COP1: variants seen among roughly 807,000 people sequenced by gnomAD.
COP1 encodes the protein COP1 E3 ubiquitin ligase, also known as E3 ubiquitin-protein ligase COP1.
A neutral mutation model predicts 101.3 loss-of-function variants in COP1; 24 were observed. The ratio of observed to expected loss-of-function variants is 0.24; its 90% confidence interval spans 0.17 to 0.33. The LOEUF (loss-of-function observed/expected upper bound fraction) is 0.33, where lower values mean the gene tolerates loss of function less well. Ranked by LOEUF, COP1 falls within the 10% of genes least tolerant of loss-of-function variation. COP1 has a pLI of 1.00. For missense variants in COP1, 663 were observed against 906.2 expected, an observed-to-expected ratio of 0.73 and a Z score of 3.45; for synonymous variants, 347 against 341.9, an observed-to-expected ratio of 1.01 and a Z score of -0.17.
intron 11 of COP1, among the ~76,000 whole-genome samples, chr1:176,050,800 A>G (rs1672411145): frequency 6.6e-6 from 1 of 152,224 alleles, no homozygotes; most frequent in African/African-American, 2.4e-5. Context: ...CACTGTATAA[A>G]GAAACTGAGG....
At chr1:176,049,747 TG>T (rs1353797628) in intron 11 of COP1, among the ~76,000 whole-genome samples, 1 of 152,142 alleles carries the variant, frequency 6.6e-6, no homozygotes, top group Non-Finnish European at 1.5e-5. Flanking sequence ...CTAACTGAAA[TG>T]AACACTGTAA....
intron 11 of COP1, among the ~76,000 whole-genome samples, chr1:176,071,794 C>T (rs527869151): frequency 2.6e-4 from 39 of 152,244 alleles, no homozygotes; most frequent in African/African-American, 8.7e-4. Context: ...TGGTTTGTGA[C>T]AAACCTTCAC....
At chr1:176,198,489 C>A (rs956834147) in intron 1 of COP1, among the ~76,000 whole-genome samples, 1 of 152,050 alleles carries the variant, frequency 6.6e-6, no homozygotes, top group Non-Finnish European at 1.5e-5. Context: ...CATAAGAAAA[C>A]TATAAATCTT....
chr1:176,059,791 C>A (rs1359282305), intron 11 of COP1, among the ~76,000 whole-genome samples: 1 of 152,094 alleles, frequency 6.6e-6, no homozygotes, highest in African/African-American at 2.4e-5. Context: ...AATTTTATGT[C>A]AGAACAGCGT....
chr1:176,028,932 T>C (rs906116675), intron 14 of COP1, among the ~76,000 whole-genome samples: 5 of 151,178 alleles, frequency 3.3e-5, no homozygotes, highest in African/African-American at 1.2e-4. Context: ...TTCTATTTTT[T>C]TTGTAAAGAC....
chr1:176,048,856 G>A (rs1185056348), intron 11 of COP1, among the ~76,000 whole-genome samples: 4 of 152,180 alleles, frequency 2.6e-5, no homozygotes, highest in Admixed American at 2.0e-4. Context: ...GGAGAAAACT[G>A]ACACATAAGT....
At position 176,150,602 on chromosome 1, in the gene COP1, C is replaced by A. The variant is rs139807398; in HGVS notation, c.763-1528G>T. 2.6e-3 allele frequency among the ~76,000 whole-genome samples: 400 copies of A among 152,208 alleles called. 3 individuals are homozygous for A. The highest frequency in any genetic ancestry group is 9.2e-3 in the African/African-American group (382 of 41,530). On this transcript the variant is annotated intron_variant, in intron 5 of 19. Coordinates refer to ENST00000367669, the MANE Select transcript of COP1 (RefSeq NM_022457.7). The stretch of plus-strand genomic sequence containing the variant: ...GATTATTTGTCTAGAGGACAAAGAC[C>A]ACATGTTTATTTAAAAAGTAACAAC...
At chr1:176,150,677 A>C (rs564479656) in intron 5 of COP1, among the ~76,000 whole-genome samples, 1 of 152,362 alleles carries the variant, frequency 6.6e-6, no homozygotes, top group South Asian at 2.1e-4. Context: ...TCATTTACAA[A>C]GGAATTATAC....
At chr1:176,048,684 T>C (rs1478286910) in intron 11 of COP1, among the ~76,000 whole-genome samples, 1 of 152,232 alleles carries the variant, frequency 6.6e-6, no homozygotes, top group Admixed American at 6.5e-5. Context: ...AGTGAACTAG[T>C]TATCACTAAA....
At chr1:176,071,443 C>T (rs906009659) in intron 11 of COP1, among the ~76,000 whole-genome samples, 3 of 152,126 alleles carry the variant, frequency 2.0e-5, no homozygotes, top group South Asian at 4.1e-4. Flanking sequence ...CTAGTATACT[C>T]GCTTAACCGT....
At chr1:176,137,508 T>C (rs751381502) in intron 6 of COP1, among the ~76,000 whole-genome samples, 2 of 152,158 alleles carry the variant, frequency 1.3e-5, no homozygotes, top group African/African-American at 2.4e-5. Flanking sequence ...CCTGGAAATA[T>C]TGAACACATT....
chr1:176,028,573 T>A (rs1668089361), intron 14 of COP1, among the ~76,000 whole-genome samples: 1 of 145,774 alleles, frequency 6.9e-6, no homozygotes, highest in Non-Finnish European at 1.5e-5. Flanking sequence ...GAAAAATCAA[T>A]AAAAAGGAAA....
chr1:176,157,761 T>G (rs1325732027), intron 5 of COP1, among the ~76,000 whole-genome samples: 1 of 151,928 alleles, frequency 6.6e-6, no homozygotes, highest in East Asian at 1.9e-4. Flanking sequence ...GGCATCTAAT[T>G]AAGAAACAAG....
At chr1:175,962,513 T>C (rs1367423243) in intron 18 of COP1, among the ~76,000 whole-genome samples, 1 of 152,172 alleles carries the variant, frequency 6.6e-6, no homozygotes, top group Non-Finnish European at 1.5e-5. Flanking sequence ...CTAAATGGTA[T>C]AAAAACCTCC....
In COP1 at chr1:176,200,417, T is replaced by C. The variant is rs79391253; in HGVS notation, c.407+6155A>G. On this transcript the variant is annotated intron_variant, in intron 1 of 19. Coordinates refer to ENST00000367669, the MANE Select transcript of COP1 (RefSeq NM_022457.7). Reference sequence around the variant, plus strand: ...ATCTCTATTTAGAGCCAAATGCCCATCTGTGAATTAATACTAAAGACAGAG... The same window carrying C: ...ATCTCTATTTAGAGCCAAATGCCCACCTGTGAATTAATACTAAAGACAGAG... Among the ~76,000 whole-genome samples, 426 of 152,294 alleles carry C rather than the reference T, an allele frequency of 2.8e-3. 2 individuals carry two copies. The highest frequency in any genetic ancestry group is 9.9e-3 in the African/African-American group (412 of 41,538).
chr1:176,141,136 A>G (rs1419687982), intron 6 of COP1, among the ~76,000 whole-genome samples: 2 of 152,222 alleles, frequency 1.3e-5, no homozygotes, highest in African/African-American at 4.8e-5. Context: ...TTTTGAATAC[A>G]TTACATATAA....
chr1:176,120,192 A>C (rs868378921), intron 8 of COP1, among the ~76,000 whole-genome samples: 22 of 152,170 alleles, frequency 1.4e-4, no homozygotes, highest in Middle Eastern at 3.4e-3. Context: ...AAATTGTGGC[A>C]GGCGGATCAC....
intron 18 of COP1, among the ~76,000 whole-genome samples, chr1:175,978,055 C>T (rs1654985234): frequency 6.6e-6 from 1 of 152,028 alleles, no homozygotes; most frequent in Non-Finnish European, 1.5e-5. Flanking sequence ...GGTGAGATTA[C>T]AATAAAAGTT....
intron 6 of COP1, among the ~76,000 whole-genome samples, chr1:176,144,258 G>A (rs1364497405): frequency 6.6e-6 from 1 of 152,020 alleles, no homozygotes; most frequent in East Asian, 1.9e-4. Context: ...CCAGGTTGCT[G>A]GATATTTTTA....
Sources: gnomAD v4.1 joint callset for allele counts (sites outside exome capture counted in the v4.1 genomes callset) on GRCh38, gnomAD v4.1.1 for gene constraint, MANE v1.5 for transcripts, NCBI Gene and HGNC (gene_info 2026-07-23, HGNC 2026-07-21) for gene names.